MYO1D: variants seen among roughly 807,000 people sequenced by gnomAD.
MYO1D encodes the protein unconventional myosin-Id.
A neutral mutation model predicts 122.0 loss-of-function variants in MYO1D; 83 were observed. That is an observed-to-expected ratio of 0.68 (90% CI 0.57 to 0.82). The LOEUF (loss-of-function observed/expected upper bound fraction) is 0.82. MYO1D is among the 40% of genes least tolerant of loss of function. MYO1D has a pLI of 0.00. For synonymous variants in MYO1D, 464 were observed against 446.9 expected (o/e 1.04, Z -0.48); for missense variants, 1,157 against 1,269.5 (o/e 0.91, Z 1.35).
intron 21 of MYO1D, among the ~76,000 whole-genome samples, chr17:32,548,986 T>C (rs1443804101): frequency 2.0e-5 from 3 of 152,214 alleles, no homozygotes; most frequent in Non-Finnish European, 4.4e-5. Flanking sequence ...GTGTTGGGAT[T>C]ACAGGCGTGA....
intron 13 of MYO1D, among the ~76,000 whole-genome samples, chr17:32,743,398 ACT>A (rs1352902488): frequency 6.6e-6 from 1 of 151,862 alleles, no homozygotes; most frequent in Non-Finnish European, 1.5e-5. Flanking sequence ...CCAAAACAAA[ACT>A]CTTAATTTCC....
chr17:32,817,812 G>A (rs2090624556), intron 1 of MYO1D, among the ~76,000 whole-genome samples: 2 of 152,128 alleles, frequency 1.3e-5, no homozygotes, highest in Admixed American at 6.5e-5. Flanking sequence ...TTACTTTCCA[G>A]ATAAAGAAAT....
chr17:32,698,935 C>T (rs972214438), intron 16 of MYO1D, among the ~76,000 whole-genome samples: 1 of 152,048 alleles, frequency 6.6e-6, no homozygotes, highest in African/African-American at 2.4e-5. Flanking sequence ...AAAGACGCCA[C>T]TCCTTGCCAT....
chr17:32,705,098 C>T (rs942582846), intron 16 of MYO1D, among the ~76,000 whole-genome samples: 2 of 151,922 alleles, frequency 1.3e-5, no homozygotes, highest in East Asian at 3.9e-4. Context: ...GTACTGTTGA[C>T]CCTTAAACAG....
chr17:32,798,687 G>C (rs774673551), intron 1 of MYO1D, among the ~76,000 whole-genome samples: 8 of 152,198 alleles, frequency 5.3e-5, no homozygotes, highest in Non-Finnish European at 8.8e-5. Context: ...TTTTGGGATA[G>C]AGTGATTATG....
At chr17:32,596,625 C>T (rs577099410) in intron 21 of MYO1D, among the ~76,000 whole-genome samples, 104 of 152,278 alleles carry the variant, frequency 6.8e-4, no homozygotes, top group Non-Finnish European at 1.2e-3. Context: ...TAACAGTGCT[C>T]CTTTAATTAA....
intron 1 of MYO1D, among the ~76,000 whole-genome samples, chr17:32,859,970 C>T (rs2091056057): frequency 6.6e-6 from 1 of 152,202 alleles, no homozygotes; most frequent in Admixed American, 6.5e-5. Flanking sequence ...ATGATAACCA[C>T]ATTCCTCTTA....
At chr17:32,601,872 A>G (rs1112170) in intron 21 of MYO1D, among the ~76,000 whole-genome samples, 77,907 of 152,096 alleles carry the variant, frequency 0.51, 20,561 homozygotes, top group African/African-American at 0.58. Flanking sequence ...TAGCAAACAT[A>G]AAATATGTGG....
chr17:32,494,624 T>C lies in MYO1D; in HGVS notation c.*135A>G. On this transcript the variant is annotated 3_prime_UTR_variant, in exon 22 of 22. Coordinates refer to ENST00000318217, the MANE Select transcript of MYO1D (RefSeq NM_015194.3). The stretch of plus-strand genomic sequence containing the variant: ...CAAAGGCAGAAAACCAGGAAGGAAA[T>C]CTTACAGGGGCGGGGCTCCTCTGGG... 1 of 1,054,840 alleles carries C rather than the reference T, an allele frequency of 9.5e-7. No individual in the cohort carries two copies. 65.3% of individuals were successfully genotyped at this position (1,054,840 alleles called of 1,614,324 possible). A position where few individuals can be genotyped will look rare whatever the true frequency, so the allele number is the denominator to read the frequency against.
At chr17:32,793,456 T>C (rs929002772) in intron 1 of MYO1D, among the ~76,000 whole-genome samples, 1 of 152,174 alleles carries the variant, frequency 6.6e-6, no homozygotes, top group African/African-American at 2.4e-5. Context: ...AAACCAGCTT[T>C]AGGAGTGGGA....
intron 21 of MYO1D, among the ~76,000 whole-genome samples, chr17:32,584,423 T>C (rs768551396): frequency 2.6e-5 from 4 of 152,196 alleles, no homozygotes; most frequent in Non-Finnish European, 4.4e-5. Flanking sequence ...ATTATTCTTT[T>C]ACCATCTTAA....
intron 16 of MYO1D, among the ~76,000 whole-genome samples, chr17:32,679,561 G>A: frequency 6.6e-6 from 1 of 152,150 alleles, no homozygotes; most frequent in Non-Finnish European, 1.5e-5. Context: ...TCAAAGATCA[G>A]ATAGTTGTAG....
chr17:32,676,197 C>T (rs1200389241), intron 16 of MYO1D, among the ~76,000 whole-genome samples: 1 of 152,050 alleles, frequency 6.6e-6, no homozygotes, highest in African/African-American at 2.4e-5. Flanking sequence ...CACATTAAAG[C>T]CCTCATTTCC....
intron 1 of MYO1D, among the ~76,000 whole-genome samples, chr17:32,781,472 G>A (rs114047590): frequency 0.014 from 2,203 of 152,148 alleles, 41 homozygotes; most frequent in African/African-American, 0.048. Flanking sequence ...TCAGGAATGG[G>A]ACAGCTGGTT....
intron 21 of MYO1D, among the ~76,000 whole-genome samples, chr17:32,513,972 G>A (rs2150861420): frequency 6.6e-6 from 1 of 151,930 alleles, no homozygotes; most frequent in East Asian, 1.9e-4. Context: ...GGCCGGGCAT[G>A]GTGGCTCATG....
At chr17:32,636,660 A>C (rs2150937717) in intron 20 of MYO1D, among the ~76,000 whole-genome samples, 2 of 152,296 alleles carry the variant, frequency 1.3e-5, no homozygotes, top group South Asian at 4.1e-4. Context: ...GAAGGCAGCC[A>C]CCACTGTGGG....
At chr17:32,875,738 T>G (rs953255174) in intron 1 of MYO1D, among the ~76,000 whole-genome samples, 1 of 152,148 alleles carries the variant, frequency 6.6e-6, no homozygotes, top group Non-Finnish European at 1.5e-5. Flanking sequence ...AATAATGAAA[T>G]TAGGGTTAAG....
chr17:32,745,078 T>C (rs2089817859), intron 13 of MYO1D, 133 bp downstream of exon 13: 5 of 616,098 alleles, frequency 8.1e-6, no homozygotes, highest in South Asian at 1.9e-5. Flanking sequence ...ATATGCTATT[T>C]ATTAAGTCTG....
intron 20 of MYO1D, among the ~76,000 whole-genome samples, chr17:32,618,432 A>G (rs2087806160): frequency 6.6e-6 from 1 of 152,140 alleles, no homozygotes; most frequent in Admixed American, 6.5e-5. Context: ...TAAATAAAAC[A>G]TCTCCATATC....
Sources: gnomAD v4.1 joint callset for allele counts (sites outside exome capture counted in the v4.1 genomes callset) on GRCh38, gnomAD v4.1.1 for gene constraint, MANE v1.5 for transcripts, NCBI Gene and HGNC (gene_info 2026-07-23, HGNC 2026-07-21) for gene names.